The following PLCG2 variants were observed in gnomAD, a reference collection of about 807,000 sequenced individuals.
PLCG2 encodes the protein 1-phosphatidylinositol 4,5-bisphosphate phosphodiesterase gamma-2.
A neutral mutation model predicts 175.6 loss-of-function variants in PLCG2; 69 were observed. The ratio of observed to expected loss-of-function variants is 0.39; its 90% CI spans 0.32 to 0.48. The LOEUF (loss-of-function observed/expected upper bound fraction) is 0.48. PLCG2 is among the 20% of genes least tolerant of loss of function. The probability of loss-of-function intolerance (pLI) is 0.91; values close to 1 mark genes in which losing one functional copy is unlikely to be tolerated. For synonymous variants in PLCG2, 827 were observed against 624.0 expected, an observed-to-expected ratio of 1.33 and a Z score of -4.85; for missense variants, 1,798 against 1,650.9, an observed-to-expected ratio of 1.09 and a Z score of -1.54.
intron 1 of PLCG2, among the ~76,000 whole-genome samples, chr16:81,780,886 G>C (rs1281920114): frequency 6.6e-6 from 1 of 152,088 alleles, no homozygotes; most frequent in African/African-American, 2.4e-5. Context: ...AATTACCTGG[G>C]CGTGGTGGTG....
chr16:81,889,905 T>C (rs1383613646), intron 10 of PLCG2, among the ~76,000 whole-genome samples: 1 of 152,164 alleles, frequency 6.6e-6, no homozygotes, highest in African/African-American at 2.4e-5. Flanking sequence ...TCAGCCCGCC[T>C]CAGCTTCCCA....
intron 2 of PLCG2, among the ~76,000 whole-genome samples, chr16:81,851,113 G>T (rs1433785040): frequency 6.6e-6 from 1 of 152,104 alleles, no homozygotes; most frequent in Non-Finnish European, 1.5e-5. Context: ...ACCCCACAAG[G>T]TTTAGAGATA....
At chr16:81,904,535 C>T (rs141452730) in intron 14 of PLCG2, among the ~76,000 whole-genome samples, 51 of 152,308 alleles carry the variant, frequency 3.3e-4, no homozygotes, top group Admixed American at 1.2e-3. Context: ...GTGCTGTTTG[C>T]ACCCCGGTCG....
intron 18 of PLCG2, among the ~76,000 whole-genome samples, chr16:81,911,088 C>T (rs1026338591): frequency 6.6e-5 from 10 of 152,014 alleles, no homozygotes; most frequent in Non-Finnish European, 1.5e-4. Flanking sequence ...AAGAGTCTCC[C>T]GCTGATTTTT....
At chr16:81,786,821 G>A (rs1910992939) in intron 2 of PLCG2, among the ~76,000 whole-genome samples, 2 of 152,178 alleles carry the variant, frequency 1.3e-5, no homozygotes, top group Non-Finnish European at 2.9e-5. Context: ...GCTCTAATTT[G>A]TGTTTTTAAA....
At chr16:81,771,665 T>C (rs560759263) in intron 2 of PLCG2, among the ~76,000 whole-genome samples, 54 of 152,126 alleles carry the variant, frequency 3.5e-4, no homozygotes, top group Non-Finnish European at 6.9e-4. Context: ...GTGGGTTGAA[T>C]TGTGACCCCC....
intron 22 of PLCG2, among the ~76,000 whole-genome samples, chr16:81,924,811 C>T (rs1015188530): frequency 6.6e-6 from 1 of 152,250 alleles, no homozygotes; most frequent in East Asian, 1.9e-4. Flanking sequence ...CCTACTGCAG[C>T]CTCTGATGCT....
At chr16:81,796,801 C>T (rs1448320022) in intron 2 of PLCG2, among the ~76,000 whole-genome samples, 2 of 152,174 alleles carry the variant, frequency 1.3e-5, no homozygotes, top group Non-Finnish European at 2.9e-5. Context: ...AGGAACCAGC[C>T]TCGCCAACAC....
chr16:81,831,811 G>A (rs1265950714), intron 2 of PLCG2, among the ~76,000 whole-genome samples: 2 of 152,210 alleles, frequency 1.3e-5, no homozygotes, highest in East Asian at 3.9e-4. Context: ...CTAGCTGTCT[G>A]CAACAGGAAC....
chr16:81,753,131 G>A (rs554200495), intron 1 of PLCG2, among the ~76,000 whole-genome samples: 110 of 106,596 alleles, frequency 1.0e-3, no homozygotes, highest in African/African-American at 2.8e-3. Flanking sequence ...CTCTGCTCCC[G>A]GCCTCGCACC....
At chr16:81,932,230 T>C (rs1409962117) in intron 25 of PLCG2, among the ~76,000 whole-genome samples, 1 of 145,030 alleles carries the variant, frequency 6.9e-6, no homozygotes, top group Non-Finnish European at 1.5e-5. Flanking sequence ...AGGTCTGGAA[T>C]TGGGCAGACT....
chr16:81,821,259 A>G (rs1177163554), intron 2 of PLCG2, among the ~76,000 whole-genome samples: 3 of 152,254 alleles, frequency 2.0e-5, no homozygotes, highest in African/African-American at 4.8e-5. Flanking sequence ...TGATTAGAAT[A>G]ATGCCTGGCA....
intron 10 of PLCG2, among the ~76,000 whole-genome samples, chr16:81,890,478 T>G (rs1908578521): frequency 6.6e-6 from 1 of 152,222 alleles, no homozygotes; most frequent in Non-Finnish European, 1.5e-5. Flanking sequence ...AAAGGCAGTT[T>G]CATAGCCCTT....
chr16:81,900,584 C>T (rs749990075), intron 13 of PLCG2, 28 bp from the exon 14 acceptor site: 39 of 1,567,504 alleles, frequency 2.5e-5, no homozygotes, highest in South Asian at 1.2e-4. Context: ...CTCCCCCTGC[C>T]GAGCTGCCCA....
intron 5 of PLCG2, among the ~76,000 whole-genome samples, chr16:81,866,112 G>T (rs1907220312): frequency 8.8e-6 from 1 of 113,562 alleles, no homozygotes; most frequent in African/African-American, 3.7e-5. Flanking sequence ...AGAGGATGCT[G>T]GTCTCTCCCT....
chr16:81,951,512 G>T (rs139566096), intron 31 of PLCG2, among the ~76,000 whole-genome samples: 1 of 152,120 alleles, frequency 6.6e-6, no homozygotes, highest in African/African-American at 2.4e-5. Context: ...TTTAAATAAC[G>T]TAATTCCAAT....
intron 2 of PLCG2, among the ~76,000 whole-genome samples, chr16:81,851,820 C>T (rs1906429699): frequency 6.6e-6 from 1 of 152,196 alleles, no homozygotes; most frequent in Admixed American, 6.5e-5. Flanking sequence ...GGCTTGTTTT[C>T]ACATGGCTTT....
At chr16:81,900,144 A>G (rs1253495802) in intron 13 of PLCG2, among the ~76,000 whole-genome samples, 1 of 152,248 alleles carries the variant, frequency 6.6e-6, no homozygotes, top group African/African-American at 2.4e-5. Context: ...TATGAATGAG[A>G]ATATATAAAA....
intron 20 of PLCG2, 127 bp from the exon 21 acceptor site, chr16:81,921,071 T>G (rs768546229): frequency 5.0e-6 from 3 of 600,302 alleles, no homozygotes; most frequent in Non-Finnish European, 8.8e-6. Flanking sequence ...CAAAAGAAAA[T>G]TCTATGAGGT....
Sources: allele counts gnomAD v4.1 joint callset (sites outside exome capture counted in the v4.1 genomes callset), GRCh38; gene constraint gnomAD v4.1.1; transcripts MANE v1.5; gene names NCBI Gene and HGNC (gene_info 2026-07-23, HGNC 2026-07-21).